Variants in RPTOR observed in about 807,000 individuals in gnomAD.
The protein encoded by RPTOR is regulatory-associated protein of mTOR.
RPTOR carries 21 observed loss-of-function variants against 169.9 expected under a neutral mutation model. The ratio of observed to expected loss-of-function variants is 0.12; its 90% confidence interval spans 0.09 to 0.18. RPTOR has a LOEUF of 0.18. RPTOR is among the 10% of genes least tolerant of loss of function. The pLI, the probability that RPTOR is intolerant of heterozygous loss-of-function variation, is 1.00. For missense variants in RPTOR, 1,133 were observed against 1,855.9 expected, an observed-to-expected ratio of 0.61 and a Z score of 7.16; for synonymous variants, 732 against 753.2, an observed-to-expected ratio of 0.97 and a Z score of 0.46.
intron 3 of RPTOR, among the ~76,000 whole-genome samples, chr17:80,668,366 C>G (rs550070001): frequency 6.6e-6 from 1 of 152,280 alleles, no homozygotes; most frequent in East Asian, 1.9e-4. Context: ...GGCCTGGGTT[C>G]TAAGTATTAC....
intron 6 of RPTOR, among the ~76,000 whole-genome samples, chr17:80,775,576 G>A (rs78200851): frequency 6.6e-6 from 1 of 152,324 alleles, no homozygotes; most frequent in East Asian, 1.9e-4. Flanking sequence ...TTTTAGCTCA[G>A]AAATACTGGC....
intron 1 of RPTOR, among the ~76,000 whole-genome samples, chr17:80,620,181 A>G (rs1303675985): frequency 1.3e-5 from 2 of 152,210 alleles, no homozygotes; most frequent in African/African-American, 4.8e-5. Context: ...GAGCATTTAT[A>G]GTTTTATAGT....
chr17:80,710,913 T>C (rs957703653), intron 4 of RPTOR, among the ~76,000 whole-genome samples: 1 of 152,236 alleles, frequency 6.6e-6, no homozygotes, highest in African/African-American at 2.4e-5. Flanking sequence ...TATACTTGAA[T>C]AGTTTTTGTG....
chr17:80,708,095 G>A lies in RPTOR; in HGVS notation c.507+96G>A. ...CCTGCCCATCCGTAGCTTCTGTTAA[G>A]CCATTGATGTTTACTGTGTTTCAAC... On this transcript the variant is annotated intron_variant, in intron 4 of 33. Transcript: ENST00000306801. This position sits in a 1 kb window ranked among gnomAD's most constrained non-coding sequence, Gnocchi z 4.2. 1 of 1,247,780 alleles carries A rather than the reference G, an allele frequency of 8.0e-7. No individual in the cohort carries two copies. The highest frequency in any genetic ancestry group is 1.1e-6 in the Non-Finnish European group (1 of 902,664). 77.3% of individuals were successfully genotyped at this position (1,247,780 alleles called of 1,614,324 possible). A position where few individuals can be genotyped will look rare whatever the true frequency, so the allele number is the denominator to read the frequency against.
intron 7 of RPTOR, among the ~76,000 whole-genome samples, chr17:80,807,722 A>G (rs752987586): frequency 4.0e-5 from 6 of 151,108 alleles, no homozygotes; most frequent in Non-Finnish European, 8.8e-5. Flanking sequence ...TAGCAATTTT[A>G]TTACACCTTT....
intron 3 of RPTOR, among the ~76,000 whole-genome samples, chr17:80,683,454 C>T (rs1463409464): frequency 2.0e-5 from 3 of 152,118 alleles, no homozygotes; most frequent in South Asian, 4.1e-4. Flanking sequence ...CACATTTCTC[C>T]GCTGCGGAGT....
intron 3 of RPTOR, among the ~76,000 whole-genome samples, chr17:80,703,172 A>G (rs1187181629): frequency 6.6e-6 from 1 of 152,204 alleles, no homozygotes; most frequent in Non-Finnish European, 1.5e-5. Context: ...CTTAGCAACC[A>G]GAAAGCAGGG....
At chr17:80,825,518 G>A (rs1328870252) in intron 9 of RPTOR, among the ~76,000 whole-genome samples, 1 of 152,228 alleles carries the variant, frequency 6.6e-6, no homozygotes, top group Non-Finnish European at 1.5e-5. Context: ...GCGTTGCTGG[G>A]GCTGCCCTTC....
chr17:80,765,086 T>C (rs1057241766), intron 6 of RPTOR, among the ~76,000 whole-genome samples: 1 of 152,056 alleles, frequency 6.6e-6, no homozygotes, highest in African/African-American at 2.4e-5. Context: ...AAAAATGCAA[T>C]AAACAGATGA....
Position 80,760,395 on chromosome 17 carries a change from C to T in RPTOR, c.830+6210C>T, listed in dbSNP as rs74740510. On this transcript the variant is annotated intron_variant, in intron 6 of 33. Transcript: ENST00000306801. The stretch of plus-strand genomic sequence containing the variant: ...CGGCTCACTGCAACCTCCACCTCCT[C>T]GGTTCAAGCGATTCTCCTGCCTCAG... Among the ~76,000 whole-genome samples the T allele has an allele frequency of 4.0e-3, 592 of 148,592 alleles. 19 individuals are homozygous for T. The East Asian group carries it at 0.081, about 20-fold the overall frequency.
At chr17:80,634,106 CGT>C (rs370906177) in intron 2 of RPTOR, among the ~76,000 whole-genome samples, 2 of 125,600 alleles carry the variant, frequency 1.6e-5, no homozygotes, top group African/African-American at 3.8e-5. Context: ...ATATTGTGTG[CGT>C]GTGTGCATAC....
intron 6 of RPTOR, among the ~76,000 whole-genome samples, chr17:80,768,488 G>A (rs1316859550): frequency 1.3e-5 from 2 of 152,216 alleles, no homozygotes; most frequent in Non-Finnish European, 2.9e-5. Flanking sequence ...GGCTCTCATA[G>A]CTACTGAGTT....
chr17:80,882,155 T>C lies in RPTOR; in HGVS notation c.1585-1264T>C, dbSNP rs184612647. Among the ~76,000 whole-genome samples, 134 of 152,204 alleles carry C rather than the reference T, an allele frequency of 8.8e-4. No homozygotes were observed. The East Asian group carries it at 0.02, about 23-fold the overall frequency. On this transcript the variant is annotated intron_variant, in intron 14 of 33. Transcript: ENST00000306801. ...GTCCATGAAGCTAAGCGAGAAGATA[T>C]GAAAGCCGGGCTAAGAGCCGGGCTG...
chr17:80,685,202 T>TCGGAGTCGCCCCTCCTTCAGGGTC (rs1409107895), intron 3 of RPTOR, among the ~76,000 whole-genome samples: 1 of 108,196 alleles, frequency 9.2e-6, no homozygotes, highest in African/African-American at 6.0e-5. Flanking sequence ...CAGGGTCGCT[T>TCGGAGTCGCCCCTCCTTCAGGGTC]GTTGCGTTTT....
chr17:80,958,436 A>T, intron 29 of RPTOR, among the ~76,000 whole-genome samples: 2 of 101,940 alleles, frequency 2.0e-5, no homozygotes, highest in Non-Finnish European at 1.8e-5. Flanking sequence ...TTTGAGACAG[A>T]GTCTTGCCTT....
intron 6 of RPTOR, among the ~76,000 whole-genome samples, chr17:80,768,097 C>T (rs571691236): frequency 8.5e-5 from 13 of 152,220 alleles, no homozygotes; most frequent in African/African-American, 2.6e-4. Context: ...TTCCAGACCT[C>T]GTGATCCGCC....
intron 9 of RPTOR, among the ~76,000 whole-genome samples, chr17:80,827,172 G>A (rs1234492726): frequency 1.3e-5 from 2 of 152,220 alleles, no homozygotes; most frequent in Admixed American, 1.3e-4. Context: ...GACCAGTCAT[G>A]GCCCTTCTGG....
intron 24 of RPTOR, among the ~76,000 whole-genome samples, chr17:80,925,870 C>T (rs183146074): frequency 2.0e-5 from 3 of 152,370 alleles, no homozygotes; most frequent in African/African-American, 7.2e-5. Context: ...TGGGGTTACA[C>T]CACAAGACCA....
In RPTOR at chr17:80,883,882, C is replaced by T. The variant is rs1403752643; in HGVS notation, c.1752C>T (p.Ile584=). 1 of 1,613,748 alleles carries T rather than the reference C, an allele frequency of 6.2e-7. No homozygotes were observed. The highest frequency in any genetic ancestry group is 8.5e-7 in the Non-Finnish European group (1 of 1,180,036). The change falls in exon 16 of 34, where the codon ATC becomes ATT. Residue 584 remains isoleucine, a synonymous_variant. Transcript: ENST00000306801. ...GGGTGGCCATCTGCCTCGGCAGGAT[C>T]TGGCAGAACTTCGACTCGGCGAGGT... is the stretch of plus-strand genomic sequence containing the variant. ...RQWVAICLGR[I]WQNFDSARWC... is the part of the protein sequence containing the mutation.
Sources: allele counts gnomAD v4.1 joint callset (sites outside exome capture counted in the v4.1 genomes callset), GRCh38; gene constraint gnomAD v4.1.1; non-coding constraint Gnocchi (gnomAD v3.1); transcripts MANE v1.5; gene names NCBI Gene and HGNC (gene_info 2026-07-23, HGNC 2026-07-21).